ARHGEF3: variants seen among roughly 807,000 people sequenced by gnomAD.
ARHGEF3 encodes the protein Rho guanine nucleotide exchange factor 3.
ARHGEF3 carries 28 observed loss-of-function variants against 63.2 expected under a neutral mutation model. That is an observed-to-expected ratio of 0.44 (90% CI 0.33 to 0.61). The LOEUF (loss-of-function observed/expected upper bound fraction) is 0.61, where lower values mean the gene tolerates loss of function less well. Among genes scored for constraint, ARHGEF3 ranks in the 20% least tolerant of loss-of-function variants. The pLI, the probability that ARHGEF3 is intolerant of heterozygous loss-of-function variation, is 0.03. For synonymous variants in ARHGEF3, 266 were observed against 254.2 expected, an observed-to-expected ratio of 1.05 and a Z score of -0.44; for missense variants, 533 against 659.3, an observed-to-expected ratio of 0.81 and a Z score of 2.10.
chr3:56,910,581 C>A (rs1475111698), intron 3 of ARHGEF3, among the ~76,000 whole-genome samples: 1 of 152,174 alleles, frequency 6.6e-6, no homozygotes, highest in East Asian at 1.9e-4. Context: ...AGGGCTATTA[C>A]TGCTTAGGAT....
intron 3 of ARHGEF3, among the ~76,000 whole-genome samples, chr3:56,927,240 A>C (rs925956051): frequency 1.3e-5 from 2 of 152,246 alleles, no homozygotes; most frequent in Non-Finnish European, 2.9e-5. Flanking sequence ...AATATGTATC[A>C]TTGAGCATAG....
intron 1 of ARHGEF3, among the ~76,000 whole-genome samples, chr3:57,061,152 A>G (rs1323774003): frequency 6.6e-6 from 1 of 152,064 alleles, no homozygotes; most frequent in African/African-American, 2.4e-5. Flanking sequence ...CCCCTCTCCC[A>G]GCCCCTACTG....
At chr3:56,795,823 G>A (rs1031694623) in intron 1 of ARHGEF3, among the ~76,000 whole-genome samples, 14 of 151,778 alleles carry the variant, frequency 9.2e-5, no homozygotes, top group African/African-American at 3.4e-4. Flanking sequence ...TGAATTTTTA[G>A]TAGAGATGGG....
At chr3:56,770,192 A>G (rs1440616421) in intron 2 of ARHGEF3, among the ~76,000 whole-genome samples, 3 of 152,004 alleles carry the variant, frequency 2.0e-5, no homozygotes, top group African/African-American at 7.3e-5. Flanking sequence ...CTGGCGGATT[A>G]CCTAAGGTCA....
At chr3:57,016,441 C>A (rs533299455) in intron 2 of ARHGEF3, among the ~76,000 whole-genome samples, 1 of 151,664 alleles carries the variant, frequency 6.6e-6, no homozygotes, top group South Asian at 2.1e-4. Context: ...CTCAGCTACT[C>A]GGGAGGCTGA....
At chr3:56,922,207 G>A (rs565938585) in intron 3 of ARHGEF3, among the ~76,000 whole-genome samples, 19 of 152,278 alleles carry the variant, frequency 1.2e-4, no homozygotes, top group South Asian at 6.2e-4. Flanking sequence ...CACAGGGGCC[G>A]CTTGCAAATA....
intron 3 of ARHGEF3, among the ~76,000 whole-genome samples, chr3:56,895,118 G>A (rs1412339305): frequency 1.3e-5 from 2 of 152,092 alleles, no homozygotes; most frequent in Non-Finnish European, 1.5e-5. Context: ...TGGGGTTGTG[G>A]TGAACCCCTC....
At chr3:56,885,643 C>G (rs1319778393) in intron 3 of ARHGEF3, among the ~76,000 whole-genome samples, 1 of 152,166 alleles carries the variant, frequency 6.6e-6, no homozygotes, top group Non-Finnish European at 1.5e-5. Context: ...AGCCAAGCCT[C>G]ATGAGTTCCC....
At chr3:56,854,124 G>A (rs2039782197) in intron 4 of ARHGEF3, among the ~76,000 whole-genome samples, 1 of 152,152 alleles carries the variant, frequency 6.6e-6, no homozygotes, top group Non-Finnish European at 1.5e-5. Flanking sequence ...GAACCCGAGA[G>A]GCAGAGCTTA....
At chr3:56,797,206 G>A (rs1199743941) in intron 1 of ARHGEF3, among the ~76,000 whole-genome samples, 2 of 152,168 alleles carry the variant, frequency 1.3e-5, no homozygotes, top group African/African-American at 4.8e-5. Context: ...AGCAGGTGGT[G>A]GAGACAGCAT....
intron 3 of ARHGEF3, among the ~76,000 whole-genome samples, chr3:56,907,299 G>C (rs747150692): frequency 6.6e-6 from 1 of 152,106 alleles, no homozygotes; most frequent in Non-Finnish European, 1.5e-5. Flanking sequence ...ACTTCTATTG[G>C]ACAACACTGC....
At chr3:57,013,095 G>C (rs1346207958) in intron 2 of ARHGEF3, among the ~76,000 whole-genome samples, 1 of 152,216 alleles carries the variant, frequency 6.6e-6, no homozygotes, top group African/African-American at 2.4e-5. Flanking sequence ...GGCCTCAGCT[G>C]CCTCCCCGCT....
At chr3:56,990,662 T>G (rs1701714261) in intron 2 of ARHGEF3, among the ~76,000 whole-genome samples, 1 of 152,226 alleles carries the variant, frequency 6.6e-6, no homozygotes, top group South Asian at 2.1e-4. Context: ...CTAATGGATT[T>G]CAAATCTCTG....
chr3:56,961,459 C>G (rs1055059519), intron 2 of ARHGEF3, among the ~76,000 whole-genome samples: 2 of 151,946 alleles, frequency 1.3e-5, no homozygotes, highest in African/African-American at 2.4e-5. Flanking sequence ...GAAGAGAAGT[C>G]CCCCCAAACA....
chr3:56,961,497 T>C (rs1578960362), intron 2 of ARHGEF3, among the ~76,000 whole-genome samples: 1 of 152,292 alleles, frequency 6.6e-6, no homozygotes, highest in South Asian at 2.1e-4. Flanking sequence ...GAAAGAAAGC[T>C]GCCTGGGGGT....
chr3:56,969,496 G>T (rs577330812), intron 2 of ARHGEF3, among the ~76,000 whole-genome samples: 1 of 152,200 alleles, frequency 6.6e-6, no homozygotes, highest in East Asian at 1.9e-4. Context: ...ATAAGGGCCG[G>T]GCGCGGTGGC....
intron 1 of ARHGEF3, among the ~76,000 whole-genome samples, chr3:57,040,501 A>AGAAAAGAAAAGGAAAGGAAAGGAAAGG (rs1704140059): frequency 2.2e-5 from 3 of 134,716 alleles, no homozygotes; most frequent in African/African-American, 8.2e-5. Context: ...AAAGAAAAGA[A>AGAAAAGAAAAGGAAAGGAAAGGAAAGG]AATACCAAAA....
At position 56,751,074 on chromosome 3, in the gene ARHGEF3, A is replaced by G. The variant is rs747150317; in HGVS notation, c.594T>C (p.Gly198=). ...RKPDGSTEHV[G]PILVGWLPCL... is the part of the protein sequence containing the mutation. ...TTCTTACCCAGCCCACGAGGATGGG[A>G]CCAACATGTTCAGTCGAGCCATCAG... Residue 198 remains glycine, a synonymous_variant, in exon 6 of 10, where the codon GGT becomes GGC. Transcript: ENST00000296315. The G allele has an allele frequency of 3.7e-6, 6 of 1,613,990 alleles. No homozygotes were observed. Among genetic ancestry groups the G allele is most frequent in the Non-Finnish European group, 4.2e-6 (5 of 1,179,984 alleles).
chr3:57,032,974 C>T (rs1703794706), intron 2 of ARHGEF3, among the ~76,000 whole-genome samples: 1 of 152,104 alleles, frequency 6.6e-6, no homozygotes, highest in Non-Finnish European at 1.5e-5. Context: ...ATGGCACCAT[C>T]AGGAGATGAA....
Sources: allele counts gnomAD v4.1 joint callset (sites outside exome capture counted in the v4.1 genomes callset), GRCh38; gene constraint gnomAD v4.1.1; transcripts MANE v1.5; gene names NCBI Gene and HGNC (gene_info 2026-07-23, HGNC 2026-07-21).